The following RNASET2 variants were observed in gnomAD, a reference collection of about 807,000 sequenced individuals.
RNASET2 encodes ribonuclease 6.
In RNASET2, 28 loss-of-function variants were observed where a neutral mutation model predicts 33.9. The ratio of observed to expected loss-of-function variants is 0.83; its 90% confidence interval spans 0.61 to 1.13. RNASET2 has a LOEUF of 1.13. Ranked by LOEUF, RNASET2 falls within the 50% of genes most tolerant of loss-of-function variation. The probability of loss-of-function intolerance (pLI) is 0.00; values close to 1 mark genes in which losing one functional copy is unlikely to be tolerated. For missense variants in RNASET2, 330 were observed against 319.9 expected, an observed-to-expected ratio of 1.03 and a Z score of -0.24; for synonymous variants, 123 against 121.0, an observed-to-expected ratio of 1.02 and a Z score of -0.11.
In RNASET2 at chr6:166,943,073, A is replaced by G. The variant is rs987564260; in HGVS notation, c.278T>C (p.Met93Thr). 6.2e-7 allele frequency: 1 copy of G among 1,613,138 alleles called. No individual in the cohort carries two copies. Among genetic ancestry groups the G allele is most frequent in the Non-Finnish European group, 8.5e-7 (1 of 1,179,472 alleles). The part of the protein sequence containing the change: ...LEEIKDLLPE[M>T]RAYWPDVIHS... ...AATTACGTCAGGCCAGTATGCCCTC[A>G]TTTCTGGCAAAAGATCCTATGCATT... Residue 93 changes from methionine (M) to threonine (T), a missense_variant, in exon 5 of 9, where the codon ATG becomes ACG. Physicochemically the swap from Met to Thr is moderately conservative, Grantham distance 81. Transcript: ENST00000508775.
chr6:166,940,421 G>T (rs1778667491), intron 5 of RNASET2, among the ~76,000 whole-genome samples: 1 of 152,138 alleles, frequency 6.6e-6, no homozygotes, highest in Non-Finnish European at 1.5e-5. Context: ...ATGAGTAACT[G>T]TCTTCATCTA....
chr6:166,929,451 G>A lies in RNASET2; in HGVS notation c.*137C>T, dbSNP rs562902932. 3 of 916,106 alleles carry A rather than the reference G, an allele frequency of 3.3e-6. No homozygotes were observed. The highest frequency in any genetic ancestry group is 5.3e-6 in the Non-Finnish European group (3 of 563,996). The allele number at this position is 916,106 out of a possible 1,614,324, so 56.7% of individuals were successfully genotyped here. A position where few individuals can be genotyped will look rare whatever the true frequency, so the allele number is the denominator to read the frequency against. On this transcript the variant is annotated 3_prime_UTR_variant, in exon 9 of 9. Transcript: ENST00000508775. ...ACGCCACATGCACTCACTCTACAGG[G>A]ACCACAACATCCAATTCACAGGCAT...
chr6:166,950,294 T>C (rs1778952698), intron 2 of RNASET2, among the ~76,000 whole-genome samples: 1 of 152,204 alleles, frequency 6.6e-6, no homozygotes, highest in South Asian at 2.1e-4. Flanking sequence ...CAATTGAAAG[T>C]TGATGCCAGG....
chr6:166,944,282 A>C (rs1778772737), intron 4 of RNASET2, among the ~76,000 whole-genome samples: 1 of 152,026 alleles, frequency 6.6e-6, no homozygotes, highest in Non-Finnish European at 1.5e-5. Flanking sequence ...CACCCTCTAC[A>C]CCAAAAAAAC....
At chr6:166,937,967 A>T (rs1011142627) in intron 6 of RNASET2, among the ~76,000 whole-genome samples, 6 of 152,164 alleles carry the variant, frequency 3.9e-5, no homozygotes, top group African/African-American at 1.4e-4. Flanking sequence ...GTGTGAGACG[A>T]TTTTGTACGT....
intron 1 of RNASET2, among the ~76,000 whole-genome samples, chr6:166,954,916 G>T (rs1779069191): frequency 6.6e-6 from 1 of 152,004 alleles, no homozygotes; most frequent in Non-Finnish European, 1.5e-5. Context: ...GCTTGAACCC[G>T]GGAGGTGGAG....
Position 166,922,822 on chromosome 6 carries a change from T to C in RNASET2, c.*6766A>G, listed in dbSNP as rs1778253159. Among the ~76,000 whole-genome samples the C allele has an allele frequency of 6.6e-6, 1 of 152,254 alleles. No individual in the cohort carries two copies. The highest frequency in any genetic ancestry group is 1.9e-4 in the East Asian group (1 of 5,184). The stretch of plus-strand genomic sequence containing the variant: ...ATCTCAGGGTGCAGTCCAAGACATA[T>C]GGTCATCAAGACAGAAGAGCAGATG... On this transcript the variant is annotated 3_prime_UTR_variant, in exon 9 of 9. Coordinates refer to ENST00000508775, the MANE Select transcript of RNASET2 (RefSeq NM_003730.6).
chr6:166,956,177 G>C lies in RNASET2; in HGVS notation c.6C>G (p.Arg2=). Residue 2 remains arginine, a synonymous_variant, in exon 1 of 9, where the codon CGC becomes CGG. Transcript: ENST00000508775. M[R]PAALRGALLG... ...GCAGGGCCCCGCGCAGGGCTGCAGG[G>C]CGCATGGTGCCGACCTGCGGAGAGA... 2 of 1,548,254 alleles carry C rather than the reference G, an allele frequency of 1.3e-6. No individual in the cohort carries two copies. The highest frequency in any genetic ancestry group is 1.7e-6 in the Non-Finnish European group (2 of 1,145,940).
At chr6:166,934,166 T>TATTC (rs762824295) in intron 6 of RNASET2, 30 bp from the exon 7 acceptor site, 80 of 1,417,590 alleles carry the variant, frequency 5.6e-5, no homozygotes, top group Non-Finnish European at 7.3e-5. Flanking sequence ...AAGTTAGCTG[T>TATTC]ATAATGAAGG....
At position 166,938,996 on chromosome 6, in the gene RNASET2, C is replaced by T. The variant is rs1778635687; in HGVS notation, c.345G>A (p.Trp115Ter). ...PNRSRFWKHE[W>*]EKHGTCAAQV... ...GGGCGGCGCAGGTCCCATGCTTTTC[C>T]CACTCATGCTTCCTGTGAGGATTAG... Residue 115 changes from tryptophan (W) to a stop codon, truncating the protein, a stop_gained, in exon 6 of 9, where the codon TGG (tryptophan) becomes TGA (stop). Coordinates refer to ENST00000508775, the MANE Select transcript of RNASET2 (RefSeq NM_003730.6). LOFTEE classifies it high-confidence loss of function. The T allele has an allele frequency of 1.9e-6, 3 of 1,612,504 alleles. No individual in the cohort carries two copies. Among genetic ancestry groups the T allele is most frequent in the Non-Finnish European group, 8.5e-7 (1 of 1,179,428 alleles).
At chr6:166,943,264 A>T in intron 4 of RNASET2, 175 bp from the exon 5 acceptor site, 2 of 553,754 alleles carry the variant, frequency 3.6e-6, no homozygotes, top group South Asian at 3.7e-5. Flanking sequence ...AGATATATCT[A>T]CAAGTGCAAT....
chr6:166,951,310 T>C (rs962987049), intron 2 of RNASET2, among the ~76,000 whole-genome samples: 2 of 152,258 alleles, frequency 1.3e-5, no homozygotes, highest in Non-Finnish European at 2.9e-5. Flanking sequence ...GAAACAGCAG[T>C]GTGACTGCTG....
At position 166,928,738 on chromosome 6, in the gene RNASET2, A is replaced by G. The variant is rs887331872; in HGVS notation, c.*850T>C. 5.3e-5 allele frequency among the ~76,000 whole-genome samples: 8 copies of G among 152,224 alleles called. No homozygotes were observed. Among genetic ancestry groups the G allele is most frequent in the African/African-American group, 1.7e-4 (7 of 41,466 alleles). On this transcript the variant is annotated 3_prime_UTR_variant, in exon 9 of 9. Transcript: ENST00000508775. ...TCCACGAGTGAAATCCCTGCACGGC[A>G]GGCCGAGAGCGTGGGTGCAGCAGTC...
At chr6:166,937,910 T>C (rs1778606183) in intron 6 of RNASET2, among the ~76,000 whole-genome samples, 1 of 152,208 alleles carries the variant, frequency 6.6e-6, no homozygotes, top group Non-Finnish European at 1.5e-5. Flanking sequence ...CCCACCCAAG[T>C]TGCAGCTGTT....
At chr6:166,937,968 T>C (rs1022524840) in intron 6 of RNASET2, among the ~76,000 whole-genome samples, 2 of 152,192 alleles carry the variant, frequency 1.3e-5, no homozygotes, top group Non-Finnish European at 2.9e-5. Context: ...TGTGAGACGA[T>C]TTTGTACGTT....
chr6:166,951,444 G>T (rs752143053), intron 2 of RNASET2, among the ~76,000 whole-genome samples: 1 of 152,214 alleles, frequency 6.6e-6, no homozygotes, highest in Non-Finnish European at 1.5e-5. Context: ...TTCCCAGTCT[G>T]CTGAGTAACG....
chr6:166,929,621 G>A lies in RNASET2; in HGVS notation c.738C>T (p.Val246=). ...RGLRVCEDGP[V]FYPPPKKTKH ...TGGTCTTTTTAGGTGGGGGATAGAA[G>A]ACTGGGCCATCTTCACAGACTCTCA... Residue 246 remains valine, a synonymous_variant, in exon 9 of 9, where the codon GTC becomes GTT. Transcript: ENST00000508775. 6.2e-7 allele frequency: 1 copy of A among 1,614,178 alleles called. No individual in the cohort carries two copies. The highest frequency in any genetic ancestry group is 8.5e-7 in the Non-Finnish European group (1 of 1,180,030).
chr6:166,925,708 G>A lies in RNASET2; in HGVS notation c.*3880C>T, dbSNP rs1030456305. Among the ~76,000 whole-genome samples the A allele has an allele frequency of 1.3e-5, 2 of 152,192 alleles. No homozygotes were observed. The highest frequency in any genetic ancestry group is 2.4e-5 in the African/African-American group (1 of 41,436). On this transcript the variant is annotated 3_prime_UTR_variant, in exon 9 of 9. Coordinates refer to ENST00000508775, the MANE Select transcript of RNASET2 (RefSeq NM_003730.6). Reference sequence around the variant, plus strand: ...GGCCCTGGTCCCTGGGCGTGGAGGCGCAGAGCCACCCAGGACTGCAAAAGA... The same window carrying A: ...GGCCCTGGTCCCTGGGCGTGGAGGCACAGAGCCACCCAGGACTGCAAAAGA...
Position 166,946,606 on chromosome 6 carries a change from T to A in RNASET2, c.261+76A>T, listed in dbSNP as rs1778851826. 3 of 831,792 alleles carry A rather than the reference T, an allele frequency of 3.6e-6. No homozygotes were observed. In the East Asian group the frequency reaches 7.9e-5, roughly 22 times the overall value. The allele number at this position is 831,792 out of a possible 1,614,324, so 51.5% of individuals were successfully genotyped here. A position where few individuals can be genotyped will look rare whatever the true frequency, so the allele number is the denominator to read the frequency against. On this transcript the variant is annotated intron_variant, in intron 4 of 8. Coordinates refer to ENST00000508775, the MANE Select transcript of RNASET2 (RefSeq NM_003730.6). ...TGACCCCTTAATTTTAAAGATGACTTTGAAGGTACGCTTGTGAAGAAAAGA... is the reference window on the plus strand; with the variant it reads ...TGACCCCTTAATTTTAAAGATGACTATGAAGGTACGCTTGTGAAGAAAAGA...
Sources: gnomAD v4.1 joint callset for allele counts (sites outside exome capture counted in the v4.1 genomes callset) on GRCh38, gnomAD v4.1.1 for gene constraint, MANE v1.5 for transcripts, NCBI Gene and HGNC (gene_info 2026-07-23, HGNC 2026-07-21) for gene names.